The following CHST10 variants were observed in gnomAD, a reference collection of about 807,000 sequenced individuals.
The protein encoded by CHST10 is carbohydrate sulfotransferase 10, also known as HNK-1 sulfotransferase.
Under a neutral mutation model 34.7 loss-of-function variants are expected in CHST10, and 24 were observed. That is an observed-to-expected ratio of 0.69 (90% confidence interval 0.50 to 0.97). The LOEUF (loss-of-function observed/expected upper bound fraction) is 0.97, where lower values mean the gene tolerates loss of function less well. Among genes scored for constraint, CHST10 ranks in the 50% least tolerant of loss-of-function variants. The probability of loss-of-function intolerance (pLI) is 0.00; values close to 1 mark genes in which losing one functional copy is unlikely to be tolerated. For missense variants in CHST10, 402 were observed against 452.1 expected (o/e 0.89, Z 1.00); for synonymous variants, 161 against 169.3 (o/e 0.95, Z 0.38).
At position 100,406,205 on chromosome 2, in the gene CHST10, T is replaced by C. The variant is rs541128550; in HGVS notation, c.100+371A>G. The stretch of plus-strand genomic sequence containing the variant: ...CATGCCAAGCAGTTGAGGCTGCACC[T>C]CTCATGATGACATGAGGCAAAGAGA... On this transcript the variant is annotated intron_variant, in intron 3 of 6. Transcript: ENST00000264249. Among the ~76,000 whole-genome samples the C allele has an allele frequency of 2.2e-3, 340 of 152,260 alleles. 2 individuals are homozygous for C. Among genetic ancestry groups the C allele is most frequent in the African/African-American group, 6.4e-3 (268 of 41,556 alleles).
intron 1 of CHST10, chr2:100,415,922 G>C (rs374975577): frequency 6.6e-6 from 1 of 152,148 alleles, no homozygotes; most frequent in Non-Finnish European, 1.5e-5. Context: ...TATTGCTCCC[G>C]GGCTACTAAC....
chr2:100,394,774 A>C (rs1674974107), intron 6 of CHST10, among the ~76,000 whole-genome samples: 1 of 150,182 alleles, frequency 6.7e-6, no homozygotes, highest in Non-Finnish European at 1.5e-5. Flanking sequence ...CCCCAGCTAG[A>C]GTACGGTGGC....
chr2:100,417,020 T>C (rs1676094985), intron 1 of CHST10: 1 of 1,304,322 alleles, frequency 7.7e-7, no homozygotes, highest in Admixed American at 2.3e-5. Context: ...TTCCCTGCCT[T>C]CCTCTGCATG....
At chr2:100,398,698 G>A (rs1675192258) in intron 4 of CHST10, among the ~76,000 whole-genome samples, 1 of 152,162 alleles carries the variant, frequency 6.6e-6, no homozygotes, top group Admixed American at 6.5e-5. Context: ...GAGCAAGCAA[G>A]ACTCCGTCTT....
chr2:100,396,793 A>G (rs1315576636), intron 5 of CHST10, among the ~76,000 whole-genome samples: 1 of 152,190 alleles, frequency 6.6e-6, no homozygotes, highest in Non-Finnish European at 1.5e-5. Context: ...TCTGATTTCT[A>G]TGCTGCCCTT....
In CHST10 at chr2:100,393,104, G is replaced by A. The variant is rs17024168; in HGVS notation, c.*141C>T. On this transcript the variant is annotated 3_prime_UTR_variant, in exon 7 of 7. Transcript: ENST00000264249. ...CAGTTGGGGTTCTGCGTCATATGCC[G>A]AGGCAACTCACAGGCCTGTGGGAGA... is the stretch of plus-strand genomic sequence containing the variant. The A allele has an allele frequency of 2.3e-3, 1,918 of 817,318 alleles. 26 individuals are homozygous for A. In the African/African-American group the frequency reaches 0.025, roughly 11 times the overall value. 50.6% of individuals were successfully genotyped at this position (817,318 alleles called of 1,614,324 possible). A position where few individuals can be genotyped will look rare whatever the true frequency, so the allele number is the denominator to read the frequency against.
At chr2:100,403,743 C>T (rs1675441521) in intron 3 of CHST10, among the ~76,000 whole-genome samples, 1 of 152,190 alleles carries the variant, frequency 6.6e-6, no homozygotes, top group Non-Finnish European at 1.5e-5. Flanking sequence ...TGGACACTGC[C>T]GTGTCTGTTA....
intron 6 of CHST10, among the ~76,000 whole-genome samples, chr2:100,394,355 C>T (rs1573169938): frequency 2.0e-5 from 3 of 152,096 alleles, no homozygotes; most frequent in South Asian, 4.1e-4. Context: ...GCAGCAGTGA[C>T]GATGACAAAG....
intron 4 of CHST10, among the ~76,000 whole-genome samples, chr2:100,398,846 A>T (rs1008942509): frequency 1.9e-4 from 29 of 152,188 alleles, no homozygotes; most frequent in Admixed American, 3.9e-4. Flanking sequence ...AATACCTGTA[A>T]TGTGAGAGGC....
chr2:100,413,886 G>T (rs1278161530), intron 2 of CHST10, among the ~76,000 whole-genome samples: 1 of 152,134 alleles, frequency 6.6e-6, no homozygotes, highest in Non-Finnish European at 1.5e-5. Flanking sequence ...TGCTTAACCA[G>T]GCTTTTTCCA....
chr2:100,402,870 T>G (rs1245555027), intron 3 of CHST10, among the ~76,000 whole-genome samples: 1 of 152,150 alleles, frequency 6.6e-6, no homozygotes, highest in Admixed American at 6.5e-5. Flanking sequence ...GATCCAAACC[T>G]CACCCCTTAT....
At chr2:100,404,785 A>G (rs1168488602) in intron 3 of CHST10, among the ~76,000 whole-genome samples, 4 of 152,236 alleles carry the variant, frequency 2.6e-5, no homozygotes, top group African/African-American at 4.8e-5. Flanking sequence ...AATGTATTAC[A>G]TCTACTCCTA....
intron 4 of CHST10, 76 bp downstream of exon 4, chr2:100,402,488 C>T: frequency 8.4e-7 from 1 of 1,184,172 alleles, no homozygotes; most frequent in Non-Finnish European, 1.3e-6. Context: ...CGGAACCAGC[C>T]ACAGGGGAAG....
Position 100,406,686 on chromosome 2 carries a change from C to A in CHST10, c.-11G>T, listed in dbSNP as rs201350002. 1 of 1,614,056 alleles carries A rather than the reference C, an allele frequency of 6.2e-7. No homozygotes were observed. The highest frequency in any genetic ancestry group is 8.5e-7 in the Non-Finnish European group (1 of 1,180,008). ...CCACTGGTGGTGCATGTTGTCACAC[C>A]GCAGCCATTCACTGACTCTTCCTGG... On this transcript the variant is annotated 5_prime_UTR_variant, in exon 3 of 7. Transcript: ENST00000264249.
intron 3 of CHST10, among the ~76,000 whole-genome samples, chr2:100,405,409 G>C (rs536090976): frequency 1.3e-5 from 2 of 152,154 alleles, no homozygotes; most frequent in Non-Finnish European, 2.9e-5. Flanking sequence ...CTAATTTCAG[G>C]GTGTCCCTCT....
chr2:100,406,394 C>G (rs932500068), intron 3 of CHST10, among the ~76,000 whole-genome samples, 182 bp downstream of exon 3: 3 of 152,156 alleles, frequency 2.0e-5, no homozygotes, highest in Admixed American at 6.5e-5. Flanking sequence ...TCCAGCCCCT[C>G]CCACCCTACC....
rs1450975048 is a variant in CHST10 at position 100,406,711 on chromosome 2, G to A, written c.-32-4C>T. 11 of 1,533,754 alleles carry A rather than the reference G, an allele frequency of 7.2e-6. No individual in the cohort carries two copies. The highest frequency in any genetic ancestry group is 9.7e-6 in the Non-Finnish European group (11 of 1,131,466). The stretch of plus-strand genomic sequence containing the variant: ...CGCAGCCATTCACTGACTCTTCCTG[G>A]AAAACACAAGCGAGATGCCCCTGCT... On this transcript the variant is annotated splice_region_variant and splice_polypyrimidine_tract_variant and intron_variant, in intron 2 of 6. Transcript: ENST00000264249.
intron 2 of CHST10, among the ~76,000 whole-genome samples, chr2:100,409,472 A>G (rs1675726143): frequency 6.6e-6 from 1 of 152,160 alleles, no homozygotes; most frequent in Non-Finnish European, 1.5e-5. Context: ...TTTAAAAGTC[A>G]GGAGCTCTTA....
intron 2 of CHST10, among the ~76,000 whole-genome samples, chr2:100,412,107 A>G (rs1053674401): frequency 6.6e-6 from 1 of 152,176 alleles, no homozygotes; most frequent in African/African-American, 2.4e-5. Flanking sequence ...AAATTTTGAA[A>G]CAGTTTCTTC....
Sources: gnomAD v4.1 joint callset for allele counts (sites outside exome capture counted in the v4.1 genomes callset) on GRCh38, gnomAD v4.1.1 for gene constraint, MANE v1.5 for transcripts, NCBI Gene and HGNC (gene_info 2026-07-23, HGNC 2026-07-21) for gene names.